EXT1: variants seen among roughly 807,000 people sequenced by gnomAD.
The protein encoded by EXT1 is exostosin-1.
In EXT1, 20 loss-of-function variants were observed where a neutral mutation model predicts 82.5. That is an observed-to-expected ratio of 0.24 (90% confidence interval 0.17 to 0.35). EXT1 has a LOEUF of 0.35. EXT1 is among the 10% of genes least tolerant of loss of function. The probability of loss-of-function intolerance (pLI) is 1.00; values close to 1 mark genes in which losing one functional copy is unlikely to be tolerated. For missense variants in EXT1, 757 were observed against 936.5 expected (o/e 0.81, Z 2.50); for synonymous variants, 348 against 350.8 (o/e 0.99, Z 0.09).
intron 3 of EXT1, among the ~76,000 whole-genome samples, chr8:117,834,081 A>G (rs535906446): frequency 6.6e-6 from 1 of 152,182 alleles, no homozygotes; most frequent in Admixed American, 6.5e-5. Flanking sequence ...TTATTCCCCC[A>G]AAAACAGATT....
intron 1 of EXT1, among the ~76,000 whole-genome samples, chr8:118,012,519 A>T (rs550364632): frequency 1.8e-4 from 28 of 152,328 alleles, no homozygotes; most frequent in African/African-American, 6.3e-4. Flanking sequence ...TAGGACAGAG[A>T]CCAGGCCCAG....
chr8:117,966,129 C>T (rs777657731), intron 1 of EXT1, among the ~76,000 whole-genome samples: 12 of 152,050 alleles, frequency 7.9e-5, no homozygotes, highest in Non-Finnish European at 1.6e-4. Context: ...ATATAATAAT[C>T]CAATATAGAG....
At chr8:117,854,131 A>G (rs1310715705) in intron 1 of EXT1, among the ~76,000 whole-genome samples, 1 of 152,236 alleles carries the variant, frequency 6.6e-6, no homozygotes, top group African/African-American at 2.4e-5. Flanking sequence ...AGTCCTTCCC[A>G]TTGACTCTAA....
intron 2 of EXT1, among the ~76,000 whole-genome samples, chr8:117,835,984 C>T (rs992419710): frequency 1.3e-5 from 2 of 152,208 alleles, no homozygotes; most frequent in Non-Finnish European, 1.5e-5. Context: ...TCATGAGCAA[C>T]AAAGAGCAGA....
intron 1 of EXT1, among the ~76,000 whole-genome samples, chr8:117,915,152 C>T (rs1040796583): frequency 6.6e-6 from 1 of 152,162 alleles, no homozygotes; most frequent in Non-Finnish European, 1.5e-5. Flanking sequence ...CCGGCCAACA[C>T]TTTTGGAAGA....
At chr8:117,833,398 C>T (rs1034898645) in intron 3 of EXT1, among the ~76,000 whole-genome samples, 2 of 152,050 alleles carry the variant, frequency 1.3e-5, no homozygotes, top group Admixed American at 6.6e-5. Context: ...AGGTGGATCA[C>T]GAGGTCAGGA....
chr8:117,940,617 T>A (rs1814252532), intron 1 of EXT1, among the ~76,000 whole-genome samples: 1 of 152,174 alleles, frequency 6.6e-6, no homozygotes, highest in South Asian at 2.1e-4. Flanking sequence ...AGCCAGACAT[T>A]AAGCCAATCC....
intron 1 of EXT1, among the ~76,000 whole-genome samples, chr8:118,049,958 G>A (rs1274356266): frequency 6.6e-6 from 1 of 152,150 alleles, no homozygotes; most frequent in Non-Finnish European, 1.5e-5. Context: ...TACTCTCATG[G>A]AGCAATTTCT....
At chr8:117,861,296 A>G (rs187077034) in intron 1 of EXT1, among the ~76,000 whole-genome samples, 2 of 152,358 alleles carry the variant, frequency 1.3e-5, no homozygotes, top group Admixed American at 1.3e-4. Context: ...CAGACATAGC[A>G]GCTAAGATAT....
At chr8:117,972,738 C>T (rs558146643) in intron 1 of EXT1, among the ~76,000 whole-genome samples, 3 of 152,028 alleles carry the variant, frequency 2.0e-5, no homozygotes, top group East Asian at 1.9e-4. Flanking sequence ...AAAATCATGG[C>T]GGAAAGGGAA....
intron 1 of EXT1, among the ~76,000 whole-genome samples, chr8:117,914,471 C>T (rs1461179442): frequency 6.6e-6 from 1 of 152,124 alleles, no homozygotes; most frequent in East Asian, 1.9e-4. Flanking sequence ...TGACTGCCTG[C>T]GGGGTTGGGC....
intron 1 of EXT1, among the ~76,000 whole-genome samples, chr8:118,087,208 A>C (rs1817437354): frequency 6.6e-6 from 1 of 152,182 alleles, no homozygotes; most frequent in Non-Finnish European, 1.5e-5. Context: ...TAATTTTCGT[A>C]CTTCCCACAC....
chr8:117,823,567 A>AT (rs2129752406), intron 4 of EXT1, among the ~76,000 whole-genome samples: 1 of 151,900 alleles, frequency 6.6e-6, no homozygotes, highest in South Asian at 2.1e-4. Context: ...CCAAATCACC[A>AT]TTTTCCAGGT....
In EXT1 at chr8:117,835,473, C is replaced by T. The variant is rs371233961; in HGVS notation, c.1135G>A (p.Val379Ile). ...AATAACAATCTCTCATCGCCTATGACGGCAGCTTGGTTCCAATTAATCACT... is the reference window on the plus strand; with the variant it reads ...AATAACAATCTCTCATCGCCTATGATGGCAGCTTGGTTCCAATTAATCACT... ...SEVINWNQAA[V>I]IGDERLLLQI... Residue 379 changes from valine to isoleucine, a missense_variant, in exon 3 of 11, where the codon GTC (valine) becomes ATC (isoleucine). Physicochemically the swap from Val to Ile is conservative, Grantham distance 29. Coordinates refer to ENST00000378204, the MANE Select transcript of EXT1 (RefSeq NM_000127.3). The T allele has an allele frequency of 2.8e-5, 45 of 1,613,976 alleles. No individual in the cohort carries two copies. Among genetic ancestry groups the T allele is most frequent in the East Asian group, 1.3e-4 (6 of 44,884 alleles).
At chr8:117,915,189 G>A (rs1813723883) in intron 1 of EXT1, among the ~76,000 whole-genome samples, 6 of 152,108 alleles carry the variant, frequency 3.9e-5, no homozygotes, top group Admixed American at 3.9e-4. Flanking sequence ...TGAAATATTG[G>A]GGGCGGGTTC....
intron 1 of EXT1, among the ~76,000 whole-genome samples, chr8:118,018,274 T>G (rs1201835220): frequency 6.6e-6 from 1 of 152,080 alleles, no homozygotes; most frequent in Non-Finnish European, 1.5e-5. Flanking sequence ...CCAATATGAA[T>G]GGTGTCCTTA....
At chr8:117,992,259 A>G (rs1815449130) in intron 1 of EXT1, among the ~76,000 whole-genome samples, 1 of 151,980 alleles carries the variant, frequency 6.6e-6, no homozygotes. Context: ...CATAAGTGCA[A>G]AGAAGAATTA....
intron 1 of EXT1, among the ~76,000 whole-genome samples, chr8:117,894,806 A>T (rs189346682): frequency 6.6e-6 from 1 of 152,324 alleles, no homozygotes; most frequent in Admixed American, 6.5e-5. Context: ...AATGTGTTAT[A>T]GGCAACACAC....
At chr8:117,948,463 C>T (rs762507477) in intron 1 of EXT1, among the ~76,000 whole-genome samples, 5 of 152,168 alleles carry the variant, frequency 3.3e-5, no homozygotes, top group Non-Finnish European at 5.9e-5. Flanking sequence ...ATCACGGACT[C>T]CATTCAGAAT....
Sources: allele counts gnomAD v4.1 joint callset (sites outside exome capture counted in the v4.1 genomes callset), GRCh38; gene constraint gnomAD v4.1.1; transcripts MANE v1.5; gene names NCBI Gene and HGNC (gene_info 2026-07-23, HGNC 2026-07-21).